The following PLPP4 variants were observed in gnomAD, a reference collection of about 807,000 sequenced individuals.
The protein encoded by PLPP4 is diacylglycerol pyrophosphate like 2.
PLPP4 carries 20 observed loss-of-function variants against 32.2 expected under a neutral mutation model. The ratio of observed to expected loss-of-function variants is 0.62; its 90% confidence interval spans 0.44 to 0.90. PLPP4 has a LOEUF of 0.90. Ranked by LOEUF, PLPP4 falls within the 40% of genes least tolerant of loss-of-function variation. The pLI is 0.00. For missense variants in PLPP4, 257 were observed against 353.1 expected (o/e 0.73, Z 2.18); for synonymous variants, 127 against 133.0 (o/e 0.95, Z 0.31).
At chr10:120,503,568 G>C (rs1845363506) in intron 1 of PLPP4, 1 of 1,607,974 alleles carries the variant, frequency 6.2e-7, no homozygotes, top group Non-Finnish European at 8.5e-7. Context: ...TACACACAAA[G>C]CTACTCCCTT....
At chr10:120,476,406 T>C (rs914522870) in intron 1 of PLPP4, among the ~76,000 whole-genome samples, 1 of 152,246 alleles carries the variant, frequency 6.6e-6, no homozygotes, top group Admixed American at 6.5e-5. Flanking sequence ...ATGATGTAGA[T>C]GCTGTCATTT....
At chr10:120,500,183 G>A (rs1346573676) in intron 1 of PLPP4, among the ~76,000 whole-genome samples, 1 of 152,146 alleles carries the variant, frequency 6.6e-6, no homozygotes, top group Non-Finnish European at 1.5e-5. Flanking sequence ...AAAAGCCTGG[G>A]TGCACCAGTC....
chr10:120,503,414 G>A (rs1020940899), intron 1 of PLPP4, among the ~76,000 whole-genome samples: 2 of 152,134 alleles, frequency 1.3e-5, no homozygotes, highest in African/African-American at 2.4e-5. Context: ...GACAGCACAC[G>A]GGCAGCTGTG....
At chr10:120,501,593 C>T (rs939664181) in intron 1 of PLPP4, among the ~76,000 whole-genome samples, 4 of 152,152 alleles carry the variant, frequency 2.6e-5, no homozygotes, top group Non-Finnish European at 4.4e-5. Context: ...TGGATTTGAA[C>T]GTTGCTGGAC....
chr10:120,532,374 G>A (rs1435763095), intron 5 of PLPP4, among the ~76,000 whole-genome samples: 1 of 151,984 alleles, frequency 6.6e-6, no homozygotes, highest in African/African-American at 2.4e-5. Context: ...ATAAACATAT[G>A]GAACCACACT....
chr10:120,565,315 GGTGTGTGTGT>G (rs58655566), intron 5 of PLPP4, among the ~76,000 whole-genome samples: 39,020 of 142,592 alleles, frequency 0.27, 5,674 homozygotes, highest in Non-Finnish European at 0.34. Flanking sequence ...TTGTTTGTGT[GGTGTGTGTGT>G]GTGTGTGTGT....
chr10:120,580,150 A>C (rs1484279763), intron 6 of PLPP4, among the ~76,000 whole-genome samples: 1 of 151,276 alleles, frequency 6.6e-6, no homozygotes, highest in African/African-American at 2.4e-5. Flanking sequence ...GGAAAGAAAG[A>C]ATGGAGAAGT....
At chr10:120,503,266 TC>T (rs1845347791) in intron 1 of PLPP4, among the ~76,000 whole-genome samples, 1 of 152,210 alleles carries the variant, frequency 6.6e-6, no homozygotes, top group Non-Finnish European at 1.5e-5. Context: ...ACTTAGTTCC[TC>T]AGGTAAAGAT....
At chr10:120,458,015 G>A (rs1319036616) in intron 1 of PLPP4, among the ~76,000 whole-genome samples, 1 of 152,234 alleles carries the variant, frequency 6.6e-6, no homozygotes, top group East Asian at 1.9e-4. Context: ...AAATGCCCAG[G>A]GTGGCTTTGA....
chr10:120,473,212 T>C (rs937475584), intron 1 of PLPP4, among the ~76,000 whole-genome samples: 18 of 152,226 alleles, frequency 1.2e-4, no homozygotes, highest in African/African-American at 4.3e-4. Flanking sequence ...CCTAAGAGTA[T>C]TGAATTTTGT....
chr10:120,547,273 G>T (rs1224948740), intron 5 of PLPP4, among the ~76,000 whole-genome samples: 1 of 151,842 alleles, frequency 6.6e-6, no homozygotes, highest in African/African-American at 2.4e-5. Flanking sequence ...TTATTTCAAA[G>T]AAATCTCTAG....
At chr10:120,514,348 C>T (rs550513816) in intron 3 of PLPP4, among the ~76,000 whole-genome samples, 35 of 152,336 alleles carry the variant, frequency 2.3e-4, no homozygotes, top group African/African-American at 7.7e-4. Flanking sequence ...TCCACTCTCA[C>T]ATTTTTGGCT....
chr10:120,478,510 T>C (rs1266246759), intron 1 of PLPP4, among the ~76,000 whole-genome samples: 2 of 152,268 alleles, frequency 1.3e-5, no homozygotes, highest in East Asian at 3.8e-4. Context: ...AGGAAACTTA[T>C]ATGATACACA....
rs1377106016 is a variant in PLPP4, at chr10:120,590,418, A to C, written c.*916A>C. ...TTCAGGCTGAGAATTTTTCCCCTTT[A>C]GGATCTGAGTTTTGCAGAGCTCTGC... On this transcript the variant is annotated 3_prime_UTR_variant, in exon 7 of 7. Transcript: ENST00000398250. Among the ~76,000 whole-genome samples, 2 of 152,148 alleles carry C rather than the reference A, an allele frequency of 1.3e-5. No individual in the cohort carries two copies. Among genetic ancestry groups the C allele is most frequent in the African/African-American group, 4.8e-5 (2 of 41,420 alleles).
chr10:120,518,020 CCTT>C (rs1462889982), intron 3 of PLPP4, among the ~76,000 whole-genome samples: 3 of 152,162 alleles, frequency 2.0e-5, no homozygotes, highest in Non-Finnish European at 4.4e-5. Flanking sequence ...AGGCATTTGA[CCTT>C]CTATCACATT....
intron 5 of PLPP4, among the ~76,000 whole-genome samples, chr10:120,559,630 C>G (rs4752436): frequency 1.4e-5 from 2 of 141,402 alleles, no homozygotes; most frequent in Non-Finnish European, 3.0e-5. Context: ...TTTTTTTTTT[C>G]AATGAATATA....
chr10:120,518,231 T>C (rs1846011604), intron 3 of PLPP4, among the ~76,000 whole-genome samples: 1 of 152,214 alleles, frequency 6.6e-6, no homozygotes, highest in African/African-American at 2.4e-5. Flanking sequence ...CAGAAGTTCT[T>C]GCTGTTTTAG....
At chr10:120,578,689 T>A (rs1367607707) in intron 6 of PLPP4, among the ~76,000 whole-genome samples, 2 of 152,226 alleles carry the variant, frequency 1.3e-5, no homozygotes, top group Admixed American at 1.3e-4. Context: ...ATCTATTGTT[T>A]TATTAAGTGA....
At chr10:120,557,741 AT>A (rs1848226435) in intron 5 of PLPP4, among the ~76,000 whole-genome samples, 1 of 152,146 alleles carries the variant, frequency 6.6e-6, no homozygotes, top group Non-Finnish European at 1.5e-5. Flanking sequence ...TGATTATGGA[AT>A]TTTACAATTA....
Sources: gnomAD v4.1 joint callset for allele counts (sites outside exome capture counted in the v4.1 genomes callset) on GRCh38, gnomAD v4.1.1 for gene constraint, MANE v1.5 for transcripts, NCBI Gene and HGNC (gene_info 2026-07-23, HGNC 2026-07-21) for gene names.